Variants in RIMS4 observed in about 807,000 individuals in gnomAD.
The protein encoded by RIMS4 is regulating synaptic membrane exocytosis 4.
A neutral mutation model predicts 29.0 loss-of-function variants in RIMS4; 9 were observed. The observed-to-expected ratio is 0.31, with a 90% CI of 0.19 to 0.54. RIMS4 has a LOEUF of 0.54. RIMS4 is among the 20% of genes least tolerant of loss of function. The probability of loss-of-function intolerance (pLI) is 0.94; values close to 1 mark genes in which losing one functional copy is unlikely to be tolerated. For missense variants in RIMS4, 193 were observed against 365.7 expected, an observed-to-expected ratio of 0.53 and a Z score of 3.85; for synonymous variants, 130 against 152.9, an observed-to-expected ratio of 0.85 and a Z score of 1.10.
At chr20:44,781,694 G>C (rs1464449152) in intron 1 of RIMS4, among the ~76,000 whole-genome samples, 3 of 152,166 alleles carry the variant, frequency 2.0e-5, no homozygotes, top group African/African-American at 7.2e-5. Flanking sequence ...ACTTTCTAAA[G>C]AAGAGGCATT....
chr20:44,792,961 C>A (rs2066239383), intron 1 of RIMS4, among the ~76,000 whole-genome samples: 1 of 152,136 alleles, frequency 6.6e-6, no homozygotes, highest in Admixed American at 6.5e-5. Flanking sequence ...TTCCCTTACC[C>A]AGCCGTGCAC....
intron 3 of RIMS4, 101 bp downstream of exon 3, chr20:44,757,971 G>T: frequency 9.8e-7 from 1 of 1,018,566 alleles, no homozygotes; most frequent in Non-Finnish European, 1.5e-6. Flanking sequence ...CATGCGCAGA[G>T]GATGGATCAA....
intron 1 of RIMS4, among the ~76,000 whole-genome samples, chr20:44,802,894 C>T (rs966914666): frequency 2.6e-5 from 4 of 152,200 alleles, no homozygotes; most frequent in Non-Finnish European, 4.4e-5. Flanking sequence ...AACTCAAACT[C>T]GCACTGACCT....
chr20:44,791,186 C>T (rs966566813), intron 1 of RIMS4, among the ~76,000 whole-genome samples: 3 of 152,232 alleles, frequency 2.0e-5, no homozygotes, highest in South Asian at 2.1e-4. Context: ...CACGCGCACG[C>T]GCACACACCC....
At position 44,810,276 on chromosome 20, in the gene RIMS4, GCGC is replaced by G; in HGVS notation, c.-8_-6del. ...GCGGCTCTGCGAGCGCTCCATGCCCGCGCCGGCGCCGGGCGCCTCGGCCGCGGC... is the reference window on the plus strand; with the variant it reads ...GCGGCTCTGCGAGCGCTCCATGCCCGCGGCGCCGGGCGCCTCGGCCGCGGC... On this transcript the variant is annotated 5_prime_UTR_variant, in exon 1 of 6. Transcript: ENST00000372851. 1 of 1,155,852 alleles carries G rather than the reference GCGC, an allele frequency of 8.7e-7. No homozygotes were observed. Among genetic ancestry groups the G allele is most frequent in the Non-Finnish European group, 1.1e-6 (1 of 922,004 alleles). 71.6% of individuals were successfully genotyped at this position (1,155,852 alleles called of 1,614,324 possible).
intron 1 of RIMS4, among the ~76,000 whole-genome samples, chr20:44,778,883 C>T (rs1432692286): frequency 6.6e-6 from 1 of 152,160 alleles, no homozygotes; most frequent in African/African-American, 2.4e-5. Context: ...CAGTTTCCTC[C>T]TCTATGCTAA....
intron 1 of RIMS4, among the ~76,000 whole-genome samples, chr20:44,791,660 A>G (rs1377840527): frequency 1.3e-5 from 2 of 152,214 alleles, no homozygotes; most frequent in Non-Finnish European, 2.9e-5. Context: ...GGACTGGATC[A>G]TGGCTGGCTG....
At chr20:44,764,165 TCCATCCATCCATCCATCCATCCA>T (rs2066101168) in intron 2 of RIMS4, among the ~76,000 whole-genome samples, 1 of 90,428 alleles carries the variant, frequency 1.1e-5, no homozygotes. Flanking sequence ...CATCCATCCA[TCCATCCATCCATCCATCCATCCA>T]TTTATCCATC....
rs559644789 is a variant in RIMS4, at chr20:44,776,262, CAAAACA to C, written c.98-4855_98-4850del. On this transcript the variant is annotated intron_variant, in intron 1 of 5. Coordinates refer to ENST00000372851, the MANE Select transcript of RIMS4 (RefSeq NM_182970.4). ...TGGGTAACAGAGTAAAATCCTATCTCAAAACAAAAACAAAAACAAAAACAAAAACCT... is the reference window on the plus strand; with the variant it reads ...TGGGTAACAGAGTAAAATCCTATCTCAAAACAAAAACAAAAACAAAAACCT... Among the ~76,000 whole-genome samples, 73 of 152,172 alleles carry C rather than the reference CAAAACA, an allele frequency of 4.8e-4. No individual in the cohort carries two copies. The Middle Eastern group carries it at 0.014, about 28-fold the overall frequency.
intron 1 of RIMS4, among the ~76,000 whole-genome samples, chr20:44,789,681 G>A (rs1021205275): frequency 2.6e-5 from 4 of 152,270 alleles, no homozygotes; most frequent in African/African-American, 9.6e-5. Context: ...TCAGCCTCCT[G>A]AGCAGCTAGG....
intron 2 of RIMS4, among the ~76,000 whole-genome samples, chr20:44,763,181 G>A (rs115432684): frequency 1.3e-3 from 191 of 152,332 alleles, no homozygotes; most frequent in African/African-American, 4.4e-3. Context: ...AGGATGGAGT[G>A]AAGACTGGAT....
intron 1 of RIMS4, among the ~76,000 whole-genome samples, chr20:44,796,465 T>C (rs2145475868): frequency 6.6e-6 from 1 of 152,184 alleles, no homozygotes; most frequent in South Asian, 2.1e-4. Context: ...GGGCTTGGGA[T>C]TCAACTCTGC....
chr20:44,764,167 C>T (rs1397393157), intron 2 of RIMS4, among the ~76,000 whole-genome samples: 20 of 143,580 alleles, frequency 1.4e-4, no homozygotes, highest in Non-Finnish European at 3.1e-4. Flanking sequence ...TCCATCCATC[C>T]ATCCATCCAT....
intron 1 of RIMS4, among the ~76,000 whole-genome samples, chr20:44,795,392 T>C (rs569473580): frequency 5.5e-4 from 83 of 152,198 alleles, no homozygotes; most frequent in African/African-American, 2.0e-3. Flanking sequence ...TCCCAGCACT[T>C]TGGGAGGCTG....
At chr20:44,805,272 C>G (rs1454443369) in intron 1 of RIMS4, among the ~76,000 whole-genome samples, 2 of 152,064 alleles carry the variant, frequency 1.3e-5, no homozygotes, top group African/African-American at 4.8e-5. Flanking sequence ...CACCACTGCA[C>G]CCCACCTTGG....
At chr20:44,807,210 A>T (rs2066302818) in intron 1 of RIMS4, among the ~76,000 whole-genome samples, 2 of 152,222 alleles carry the variant, frequency 1.3e-5, no homozygotes, top group Admixed American at 1.3e-4. Flanking sequence ...CTTGAGAGGA[A>T]TTCTGGGAAC....
At chr20:44,762,291 C>A (rs1312813280) in intron 2 of RIMS4, among the ~76,000 whole-genome samples, 3 of 152,168 alleles carry the variant, frequency 2.0e-5, no homozygotes, top group African/African-American at 4.8e-5. Context: ...CTGGGGGAGG[C>A]CCCTGGGGTT....
intron 2 of RIMS4, among the ~76,000 whole-genome samples, chr20:44,759,682 C>T (rs2066075915): frequency 1.3e-5 from 2 of 152,202 alleles, no homozygotes; most frequent in Admixed American, 1.3e-4. Flanking sequence ...TAACCCAAGC[C>T]AGGCCAATCA....
In RIMS4 at chr20:44,755,933, C is replaced by T. The variant is rs565109271; in HGVS notation, c.*201G>A. Reference sequence around the variant, plus strand: ...GCCAAGTCAAAAGTGTAGCCAATCCCGTTGGGAGAGGGGAGGTCTCGGGGG... The same window carrying T: ...GCCAAGTCAAAAGTGTAGCCAATCCTGTTGGGAGAGGGGAGGTCTCGGGGG... On this transcript the variant is annotated 3_prime_UTR_variant, in exon 6 of 6. Coordinates refer to ENST00000372851, the MANE Select transcript of RIMS4 (RefSeq NM_182970.4). 309 of 556,040 alleles carry T rather than the reference C, an allele frequency of 5.6e-4. 5 individuals are homozygous for T. In the South Asian group the frequency reaches 6.9e-3, roughly 12 times the overall value. The allele number at this position is 556,040 out of a possible 1,614,324, so 34.4% of individuals were successfully genotyped here.
Sources: gnomAD v4.1 joint callset for allele counts (sites outside exome capture counted in the v4.1 genomes callset) on GRCh38, gnomAD v4.1.1 for gene constraint, MANE v1.5 for transcripts, NCBI Gene and HGNC (gene_info 2026-07-23, HGNC 2026-07-21) for gene names.